CEP70: variants seen among roughly 807,000 people sequenced by gnomAD.
CEP70 encodes the protein centrosomal protein of 70 kDa.
CEP70 carries 70 observed loss-of-function variants against 90.9 expected under a neutral mutation model. The ratio of observed to expected loss-of-function variants is 0.77; its 90% CI spans 0.64 to 0.94. The LOEUF is 0.94. Among genes scored for constraint, CEP70 ranks in the 40% least tolerant of loss-of-function variants. CEP70 has a pLI of 0.00. For missense variants in CEP70, 648 were observed against 669.0 expected, an observed-to-expected ratio of 0.97 and a Z score of 0.35; for synonymous variants, 220 against 228.3, an observed-to-expected ratio of 0.96 and a Z score of 0.33.
chr3:138,547,601 C>T lies in CEP70; in HGVS notation c.466-10254G>A, dbSNP rs149238548. Among the ~76,000 whole-genome samples the T allele has an allele frequency of 1.1e-4, 17 of 152,330 alleles. No homozygotes were observed. The East Asian group carries it at 1.9e-3, about 17-fold the overall frequency. ...TTCACCTTTTCACTTAAAGGAAGTA[C>T]TTCACAGCTTCTCTTTGGCATATCC... On this transcript the variant is annotated intron_variant, in intron 6 of 17. Coordinates refer to ENST00000264982, the MANE Select transcript of CEP70 (RefSeq NM_024491.4).
At chr3:138,545,230 A>G (rs950581868) in intron 6 of CEP70, among the ~76,000 whole-genome samples, 1 of 152,242 alleles carries the variant, frequency 6.6e-6, no homozygotes, top group Admixed American at 6.5e-5. Context: ...GACCCAGGGC[A>G]GAGGAACATA....
chr3:138,584,853 C>T (rs960957999), intron 2 of CEP70, among the ~76,000 whole-genome samples: 7 of 151,734 alleles, frequency 4.6e-5, no homozygotes, highest in African/African-American at 1.5e-4. Flanking sequence ...CACACTGAAT[C>T]GGGAAAAACT....
chr3:138,502,518 C>G (rs1049717380), intron 13 of CEP70, among the ~76,000 whole-genome samples: 1 of 150,444 alleles, frequency 6.6e-6, no homozygotes, highest in Non-Finnish European at 1.5e-5. Context: ...GAATGTTTTA[C>G]AATCAATGCC....
At chr3:138,579,107 A>G (rs1486334426) in intron 2 of CEP70, among the ~76,000 whole-genome samples, 2 of 152,220 alleles carry the variant, frequency 1.3e-5, no homozygotes, top group Non-Finnish European at 2.9e-5. Flanking sequence ...GGAACTTTGC[A>G]TTGAAAGGCA....
intron 17 of CEP70, chr3:138,497,739 C>T: frequency 1.0e-6 from 1 of 985,284 alleles, no homozygotes; most frequent in Non-Finnish European, 1.2e-6. Context: ...GAATATTTCT[C>T]ATTAGACAAT....
intron 2 of CEP70, among the ~76,000 whole-genome samples, chr3:138,581,413 G>A (rs1457816002): frequency 1.3e-5 from 2 of 151,378 alleles, no homozygotes; most frequent in Non-Finnish European, 2.9e-5. Context: ...GGGGTAGAAA[G>A]TTTATTCAGG....
rs545020229 is a variant in CEP70, at chr3:138,576,497, A to G, written c.-5-3565T>C. 1.7e-4 allele frequency among the ~76,000 whole-genome samples: 26 copies of G among 152,306 alleles called. No individual in the cohort carries two copies. The South Asian group carries it at 5.0e-3, about 29-fold the overall frequency. On this transcript the variant is annotated intron_variant, in intron 2 of 17. Transcript: ENST00000264982. ...AAGAGACTTAGACTCCCACACAATAATAATAGGAGACTTTAACACCCTACT... is the reference window on the plus strand; with the variant it reads ...AAGAGACTTAGACTCCCACACAATAGTAATAGGAGACTTTAACACCCTACT...
chr3:138,537,166 T>C lies in CEP70; in HGVS notation c.635+12A>G, dbSNP rs1263300399. ...GAATCTAGCTACATATCAATTTATG[T>C]AGCAAAATTACTGTCTATCCAAGAC... is the stretch of plus-strand genomic sequence containing the variant. On this transcript the variant is annotated intron_variant, in intron 7 of 17. Coordinates refer to ENST00000264982, the MANE Select transcript of CEP70 (RefSeq NM_024491.4). 6.7e-7 allele frequency: 1 copy of C among 1,500,248 alleles called. No homozygotes were observed. Among genetic ancestry groups the C allele is most frequent in the Non-Finnish European group, 8.9e-7 (1 of 1,127,498 alleles). The allele number at this position is 1,500,248 out of a possible 1,614,324, so 92.9% of individuals were successfully genotyped here.
intron 11 of CEP70, among the ~76,000 whole-genome samples, chr3:138,524,717 C>G (rs1488254171): frequency 6.6e-6 from 1 of 152,136 alleles, no homozygotes; most frequent in Non-Finnish European, 1.5e-5. Flanking sequence ...CAATGAGATA[C>G]CATCTCACAC....
chr3:138,546,609 C>T (rs560728589), intron 6 of CEP70, among the ~76,000 whole-genome samples: 3 of 152,070 alleles, frequency 2.0e-5, no homozygotes, highest in East Asian at 3.9e-4. Context: ...CTTAGCTGGG[C>T]GTAGTGGTGG....
At chr3:138,535,066 C>T (rs1004128185) in intron 7 of CEP70, among the ~76,000 whole-genome samples, 3 of 152,158 alleles carry the variant, frequency 2.0e-5, no homozygotes, top group African/African-American at 7.2e-5. Context: ...AAGTAGAACT[C>T]AAACTCTTCG....
At chr3:138,499,744 C>A in intron 16 of CEP70, 1 of 166,980 alleles carries the variant, frequency 6.0e-6, no homozygotes, top group Non-Finnish European at 1.3e-5. Context: ...TGAGACTGGT[C>A]TGGGCAACAT....
chr3:138,502,350 A>G (rs760806274), intron 13 of CEP70, among the ~76,000 whole-genome samples: 41 of 152,190 alleles, frequency 2.7e-4, no homozygotes, highest in Non-Finnish European at 5.9e-4. Flanking sequence ...AACAGAAAGA[A>G]GTACAAGAAG....
At chr3:138,550,177 C>T (rs887388086) in intron 6 of CEP70, among the ~76,000 whole-genome samples, 2 of 152,122 alleles carry the variant, frequency 1.3e-5, no homozygotes, top group African/African-American at 2.4e-5. Flanking sequence ...AAAAATTACA[C>T]TAGCTCACCA....
intron 6 of CEP70, among the ~76,000 whole-genome samples, chr3:138,548,930 T>C (rs1358851480): frequency 2.0e-5 from 3 of 152,148 alleles, no homozygotes; most frequent in Admixed American, 1.3e-4. Flanking sequence ...CCTGAATACA[T>C]ACCCTCACTG....
intron 6 of CEP70, among the ~76,000 whole-genome samples, chr3:138,547,000 GATGAAAAATGAA>G (rs1434481145): frequency 6.6e-6 from 1 of 152,050 alleles, no homozygotes; most frequent in Non-Finnish European, 1.5e-5. Context: ...CATCTTATAA[GATGAAAAATGAA>G]ATGAAATGAA....
At chr3:138,541,145 T>A (rs1290779684) in intron 6 of CEP70, among the ~76,000 whole-genome samples, 2 of 152,184 alleles carry the variant, frequency 1.3e-5, no homozygotes, top group Admixed American at 6.5e-5. Context: ...GCTTAATGCC[T>A]GGGTGATGAA....
In CEP70 at chr3:138,571,104, A is replaced by G; in HGVS notation, c.214T>C (p.Leu72=). 2 of 1,606,860 alleles carry G rather than the reference A, an allele frequency of 1.2e-6. No individual in the cohort carries two copies. The highest frequency in any genetic ancestry group is 2.2e-5 in the South Asian group (2 of 90,382). ...TGACATGATGTTTCTTCCACCAACAATTTCAAATTCTGTCTCATCCTTTGT... is the reference window on the plus strand; with the variant it reads ...TGACATGATGTTTCTTCCACCAACAGTTTCAAATTCTGTCTCATCCTTTGT... ...SSQRMRQNLK[L]LVEETSCQQN... Residue 72 remains leucine (L), a synonymous_variant, in exon 5 of 18, where the codon TTG becomes CTG. Transcript: ENST00000264982.
intron 6 of CEP70, among the ~76,000 whole-genome samples, chr3:138,547,243 T>C (rs2039280472): frequency 6.6e-6 from 1 of 152,158 alleles, no homozygotes; most frequent in African/African-American, 2.4e-5. Context: ...AACTGTAGGA[T>C]AGAAAAGCAA....
Sources: allele counts gnomAD v4.1 joint callset (sites outside exome capture counted in the v4.1 genomes callset), GRCh38; gene constraint gnomAD v4.1.1; transcripts MANE v1.5; gene names NCBI Gene and HGNC (gene_info 2026-07-23, HGNC 2026-07-21).